Variants in CARS1 observed in about 807,000 individuals in gnomAD.
CARS1 encodes cysteine--tRNA ligase, cytoplasmic.
A neutral mutation model predicts 106.2 loss-of-function variants in CARS1; 48 were observed. The ratio of observed to expected loss-of-function variants is 0.45; its 90% CI spans 0.36 to 0.57. The LOEUF is 0.57. Ranked by LOEUF, CARS1 falls within the 20% of genes least tolerant of loss-of-function variation. The pLI, the probability that CARS1 is intolerant of heterozygous loss-of-function variation, is 0.00. For synonymous variants in CARS1, 409 were observed against 403.4 expected (o/e 1.01, Z -0.17); for missense variants, 968 against 1,057.2 (o/e 0.92, Z 1.17).
In CARS1 at chr11:3,046,311, G is replaced by A. The variant is rs925952159; in HGVS notation, c.274+1442C>T. Among the ~76,000 whole-genome samples the A allele has an allele frequency of 3.9e-5, 6 of 152,172 alleles. No individual in the cohort carries two copies. Among genetic ancestry groups the A allele is most frequent in the Non-Finnish European group, 5.9e-5 (4 of 68,030 alleles). On this transcript the variant is annotated intron_variant, in intron 2 of 22. Coordinates refer to ENST00000380525, the MANE Select transcript of CARS1 (RefSeq NM_001014437.3). The surrounding 1 kb of genome is among the most constrained non-coding windows in gnomAD (Gnocchi z 5.8). Reference sequence around the variant, plus strand: ...CTGCTGAGCTGGACGTACCAGGCCCGCTTCACCCTCCCTAATCCTGCCCCC... The same window carrying A: ...CTGCTGAGCTGGACGTACCAGGCCCACTTCACCCTCCCTAATCCTGCCCCC...
intron 17 of CARS1, among the ~76,000 whole-genome samples, chr11:3,012,908 T>TA (rs1233550672): frequency 6.8e-6 from 1 of 146,336 alleles, no homozygotes; most frequent in Non-Finnish European, 1.5e-5. Flanking sequence ...TTTTTTTTTT[T>TA]AAGACGGAAT....
Position 3,002,682 on chromosome 11 carries a change from AG to A in CARS1, c.2218-83del, listed in dbSNP as rs768292098. ...TCGGAGTGAGAGGTCTAGCCAAACA[AG>A]CCCCTCTCCTAGGGCCTGGCATGGA... On this transcript the variant is annotated intron_variant, in intron 20 of 22. Transcript: ENST00000380525. 5.8e-4 allele frequency: 921 copies of A among 1,592,960 alleles called. 1 individual carries two copies. Among genetic ancestry groups the A allele is most frequent in the Non-Finnish European group, 6.9e-4 (808 of 1,171,636 alleles).
rs1853814132 is a variant in CARS1 at position 3,037,498 on chromosome 11, G to A, written c.801+552C>T. Among the ~76,000 whole-genome samples the A allele has an allele frequency of 6.6e-6, 1 of 152,230 alleles. No individual in the cohort carries two copies. The highest frequency in any genetic ancestry group is 1.5e-5 in the Non-Finnish European group (1 of 68,040). On this transcript the variant is annotated intron_variant, in intron 7 of 22. Transcript: ENST00000380525. The surrounding 1 kb of genome is among the most constrained non-coding windows in gnomAD (Gnocchi z 5.9). Reference sequence around the variant, plus strand: ...CACAAAGGAGAAGGCCTTCCTGACTGTGTCCAGGGCGCCAGCCACAGGGAA... The same window carrying A: ...CACAAAGGAGAAGGCCTTCCTGACTATGTCCAGGGCGCCAGCCACAGGGAA...
chr11:3,018,673 G>C lies in CARS1; in HGVS notation c.1472C>G (p.Ser491Ter), dbSNP rs761141822. 6.2e-7 allele frequency: 1 copy of C among 1,614,186 alleles called. No individual in the cohort carries two copies. The highest frequency in any genetic ancestry group is 8.5e-7 in the Non-Finnish European group (1 of 1,180,030). The change falls in exon 13 of 23, where the codon TCA becomes TGA. Residue 491 changes from serine (S) to a stop codon, truncating the protein, a stop_gained. Coordinates refer to ENST00000380525, the MANE Select transcript of CARS1 (RefSeq NM_001014437.3). LOFTEE classifies it high-confidence loss of function. Reference protein sequence around the residue: ...GHLTIAGCKMSKSLKNFITIK... With the variant: ...GHLTIAGCKM ...GGTGATGAAGTTTTTTAGTGACTTT[G>C]ACATTTTGCAGCCTGCAATGGTCAG... is the stretch of plus-strand genomic sequence containing the variant.
chr11:3,055,277 C>G (rs1043719792), intron 1 of CARS1, among the ~76,000 whole-genome samples: 2 of 152,206 alleles, frequency 1.3e-5, no homozygotes, highest in East Asian at 3.9e-4. Flanking sequence ...TCTCCGGCCT[C>G]AGCCTCCGAG....
In CARS1 at chr11:3,039,302, G is replaced by A; in HGVS notation, c.553-10C>T. ...GGGCCCTCTTGATGATCTGGGGAGG[G>A]AAGGCAGACATTGGGGAGTGATGCT... On this transcript the variant is annotated splice_polypyrimidine_tract_variant and intron_variant, in intron 5 of 22. Transcript: ENST00000380525. The surrounding 1 kb of genome is among the most constrained non-coding windows in gnomAD (Gnocchi z 5.6). 1 of 1,568,624 alleles carries A rather than the reference G, an allele frequency of 6.4e-7. No individual in the cohort carries two copies. Among genetic ancestry groups the A allele is most frequent in the Non-Finnish European group, 8.8e-7 (1 of 1,138,816 alleles).
Position 3,041,776 on chromosome 11 carries a change from T to C in CARS1, c.366+389A>G, listed in dbSNP as rs753373229. ...GTGCTCCCAACAACATCCAGCCAGT[T>C]TGCCGTTTTGTCCATCCTGCTTGGC... On this transcript the variant is annotated intron_variant, in intron 3 of 22. Coordinates refer to ENST00000380525, the MANE Select transcript of CARS1 (RefSeq NM_001014437.3). This position sits in a 1 kb window ranked among gnomAD's most constrained non-coding sequence, Gnocchi z 4.9. 1.4e-4 allele frequency among the ~76,000 whole-genome samples: 21 copies of C among 152,098 alleles called. No homozygotes were observed. Among genetic ancestry groups the C allele is most frequent in the Admixed American group, 4.6e-4 (7 of 15,274 alleles).
At position 3,039,805 on chromosome 11, in the gene CARS1, T is replaced by C; in HGVS notation, c.552+30A>G. ...CTTCTTTTACACCATCCAATTGCATTTAAAATTTAATCTTACAAATTCCCT... is the reference window on the plus strand; with the variant it reads ...CTTCTTTTACACCATCCAATTGCATCTAAAATTTAATCTTACAAATTCCCT... On this transcript the variant is annotated intron_variant, in intron 5 of 22. Coordinates refer to ENST00000380525, the MANE Select transcript of CARS1 (RefSeq NM_001014437.3). This position sits in a 1 kb window ranked among gnomAD's most constrained non-coding sequence, Gnocchi z 5.6. 8.5e-7 allele frequency: 1 copy of C among 1,182,438 alleles called. No homozygotes were observed. The highest frequency in any genetic ancestry group is 1.2e-6 in the Non-Finnish European group (1 of 819,430). The allele number at this position is 1,182,438 out of a possible 1,614,324, so 73.2% of individuals were successfully genotyped here. A position where few individuals can be genotyped will look rare whatever the true frequency, so the allele number is the denominator to read the frequency against.
In CARS1 at chr11:3,040,816, G is replaced by C; in HGVS notation, c.455+80C>G. 6.9e-7 allele frequency: 1 copy of C among 1,445,368 alleles called. No individual in the cohort carries two copies. Among genetic ancestry groups the C allele is most frequent in the Non-Finnish European group, 9.5e-7 (1 of 1,047,818 alleles). The allele number at this position is 1,445,368 out of a possible 1,614,324, so 89.5% of individuals were successfully genotyped here. Reference sequence around the variant, plus strand: ...AGATCTAAGATCTTTGTGGACCTAAGATCGCTGCTGTGGATCCCAATGGCT... The same window carrying C: ...AGATCTAAGATCTTTGTGGACCTAACATCGCTGCTGTGGATCCCAATGGCT... On this transcript the variant is annotated intron_variant, in intron 4 of 22. Transcript: ENST00000380525. The surrounding 1 kb of genome is among the most constrained non-coding windows in gnomAD (Gnocchi z 5.8).
chr11:3,016,521 C>T (rs961574051), intron 16 of CARS1, among the ~76,000 whole-genome samples: 3 of 152,118 alleles, frequency 2.0e-5, no homozygotes, highest in African/African-American at 7.2e-5. Flanking sequence ...CAGCGCCTGG[C>T]GTGGTTTTGC....
At position 3,050,069 on chromosome 11, in the gene CARS1, A is replaced by G. The variant is rs971841934; in HGVS notation, c.26-2068T>C. On this transcript the variant is annotated intron_variant, in intron 1 of 22. Transcript: ENST00000380525. This position sits in a 1 kb window ranked among gnomAD's most constrained non-coding sequence, Gnocchi z 6.3. ...TCTTCACCCGCCAGGGAGCCTACGG[A>G]GCCACGTGATGCCCCAAGGCCCAGC... 6.6e-6 allele frequency among the ~76,000 whole-genome samples: 1 copy of G among 152,204 alleles called. No homozygotes were observed. The highest frequency in any genetic ancestry group is 1.5e-5 in the Non-Finnish European group (1 of 68,032).
At position 3,017,907 on chromosome 11, in the gene CARS1, G is replaced by A; in HGVS notation, c.1677C>T (p.Ile559=). 3 of 1,613,936 alleles carry A rather than the reference G, an allele frequency of 1.9e-6. No individual in the cohort carries two copies. The highest frequency in any genetic ancestry group is 2.5e-6 in the Non-Finnish European group (3 of 1,179,822). The change falls in exon 15 of 23, where the codon ATC becomes ATT. Residue 559 remains isoleucine (I), a synonymous_variant. Transcript: ENST00000380525. The surrounding 1 kb of genome is among the most constrained non-coding windows in gnomAD (Gnocchi z 4.9). The stretch of plus-strand genomic sequence containing the variant: ...CTCCCCACTTCTCAAACTGACCAGT[G>A]ATGTCAACAGGAGCGCGAAGGATAT... The part of the protein sequence containing the change: ...VKDILRAPVD[I]TGQFEKWGEE...
chr11:3,017,160 C>A lies in CARS1; in HGVS notation c.1863G>T (p.Arg621Ser). 1.2e-6 allele frequency: 2 copies of A among 1,614,170 alleles called. No homozygotes were observed. Among genetic ancestry groups the A allele is most frequent in the Middle Eastern group, 3.3e-4 (2 of 6,062 alleles). The change falls in exon 16 of 23, where the codon AGG (arginine) becomes AGT (serine). Residue 621 changes from arginine (R) to serine (S), a missense_variant. Coordinates refer to ENST00000380525, the MANE Select transcript of CARS1 (RefSeq NM_001014437.3). The surrounding 1 kb of genome is among the most constrained non-coding windows in gnomAD (Gnocchi z 4.9). ...TGTTCTCCAGCAGAGCCTGGTTGGG[C>A]CTCTTCCTCACGGCTTTCCGGGCTG... ...YMAARKAVRK[R>S]PNQALLENIA... is the part of the protein sequence containing the mutation.
rs1269666427 is a variant in CARS1, at chr11:3,047,911, T to C, written c.116A>G (p.Gln39Arg). The C allele has an allele frequency of 7.4e-6, 12 of 1,614,164 alleles. No individual in the cohort carries two copies. The highest frequency in any genetic ancestry group is 1.0e-5 in the Non-Finnish European group (12 of 1,180,016). ...NEHLSTRSYV[Q>R]GYSLSQADVD... is the part of the protein sequence containing the mutation. ...GTCTGCCTGGGACAGTGAGTACCCC[T>C]GGACATAGCTACGCGTGCTGAGGTG... The change falls in exon 2 of 23, where the codon CAG becomes CGG. Residue 39 changes from glutamine to arginine, a missense_variant. Gln to Arg is a conservative substitution (Grantham distance 43). Transcript: ENST00000380525.
chr11:3,020,350 GC>G lies in CARS1; in HGVS notation c.1154-19del. Reference sequence around the variant, plus strand: ...CAGGTCACCTGCAAACACGAGGGACGCCAGGCAAGGTCACTCAGCAGCACCC... The same window carrying G: ...CAGGTCACCTGCAAACACGAGGGACGCAGGCAAGGTCACTCAGCAGCACCC... On this transcript the variant is annotated intron_variant, in intron 10 of 22. Coordinates refer to ENST00000380525, the MANE Select transcript of CARS1 (RefSeq NM_001014437.3). This position sits in a 1 kb window ranked among gnomAD's most constrained non-coding sequence, Gnocchi z 4.6. 6.6e-7 allele frequency: 1 copy of G among 1,516,648 alleles called. No homozygotes were observed. Among genetic ancestry groups the G allele is most frequent in the Non-Finnish European group, 9.2e-7 (1 of 1,091,690 alleles). The allele number at this position is 1,516,648 out of a possible 1,614,324, so 93.9% of individuals were successfully genotyped here.
rs1849494649 is a variant in CARS1 at position 3,002,619 on chromosome 11, G to A, written c.2218-19C>T. 2 of 1,613,764 alleles carry A rather than the reference G, an allele frequency of 1.2e-6. No individual in the cohort carries two copies. The highest frequency in any genetic ancestry group is 1.3e-5 in the African/African-American group (1 of 74,914). Reference sequence around the variant, plus strand: ...CTTCAACCTGGAGGGTCAATACAGAGCCAGATGAGACAGGGCTGCCTCAGG... The same window carrying A: ...CTTCAACCTGGAGGGTCAATACAGAACCAGATGAGACAGGGCTGCCTCAGG... On this transcript the variant is annotated intron_variant, in intron 20 of 22. Coordinates refer to ENST00000380525, the MANE Select transcript of CARS1 (RefSeq NM_001014437.3).
rs1855854209 is a variant in CARS1, at chr11:3,053,107, C to A, written c.25+4236G>T. 6.6e-6 allele frequency among the ~76,000 whole-genome samples: 1 copy of A among 152,222 alleles called. No homozygotes were observed. Among genetic ancestry groups the A allele is most frequent in the Non-Finnish European group, 1.5e-5 (1 of 68,040 alleles). ...ACCAAGCAATTGCTCAGCACAGATA[C>A]CAAAACAAAGCCACACCAAATGAAC... On this transcript the variant is annotated intron_variant, in intron 1 of 22. Transcript: ENST00000380525. This position sits in a 1 kb window ranked among gnomAD's most constrained non-coding sequence, Gnocchi z 6.6.
intron 18 of CARS1, 102 bp downstream of exon 18, chr11:3,012,093 A>G (rs1850525868): frequency 1.9e-6 from 2 of 1,077,272 alleles, no homozygotes; most frequent in South Asian, 1.3e-5. Flanking sequence ...TTCCCAGAGG[A>G]TGATCCGGCC....
chr11:3,025,196 A>T (rs144009249), intron 10 of CARS1, among the ~76,000 whole-genome samples: 2 of 152,020 alleles, frequency 1.3e-5, no homozygotes, highest in Admixed American at 1.3e-4. Context: ...GGCTATCTCT[A>T]TCTTTCTTCA....
Sources: allele counts gnomAD v4.1 joint callset (sites outside exome capture counted in the v4.1 genomes callset), GRCh38; gene constraint gnomAD v4.1.1; non-coding constraint Gnocchi (gnomAD v3.1); transcripts MANE v1.5; gene names NCBI Gene and HGNC (gene_info 2026-07-23, HGNC 2026-07-21).